Variants in CPA6 observed in about 807,000 individuals in gnomAD.
CPA6 encodes the protein carboxypeptidase B.
Under a neutral mutation model 63.3 loss-of-function variants are expected in CPA6, and 58 were observed. The observed-to-expected ratio is 0.92, with a 90% CI of 0.74 to 1.14. The LOEUF (loss-of-function observed/expected upper bound fraction) is 1.14. CPA6 is among the 50% of genes most tolerant of loss of function. CPA6 has a pLI of 0.00. For missense variants in CPA6, 565 were observed against 526.6 expected, an observed-to-expected ratio of 1.07 and a Z score of -0.71; for synonymous variants, 185 against 179.0, an observed-to-expected ratio of 1.03 and a Z score of -0.27.
intron 2 of CPA6, among the ~76,000 whole-genome samples, chr8:67,553,693 T>A (rs1243895691): frequency 6.6e-6 from 1 of 152,166 alleles, no homozygotes; most frequent in Non-Finnish European, 1.5e-5. Flanking sequence ...CTCAAGCATT[T>A]CTCCAATAAA....
chr8:67,448,156 G>A (rs1489382441), intron 8 of CPA6, among the ~76,000 whole-genome samples: 2 of 152,194 alleles, frequency 1.3e-5, no homozygotes, highest in Non-Finnish European at 2.9e-5. Flanking sequence ...GCTTAATCAT[G>A]TTCTTAGCTC....
At chr8:67,718,368 G>T (rs879749401) in intron 1 of CPA6, among the ~76,000 whole-genome samples, 1 of 152,134 alleles carries the variant, frequency 6.6e-6, no homozygotes, top group Non-Finnish European at 1.5e-5. Flanking sequence ...CTGGATAAGG[G>T]TCAGGAGGAC....
At chr8:67,741,372 C>T (rs1262734578) in intron 1 of CPA6, among the ~76,000 whole-genome samples, 1 of 152,198 alleles carries the variant, frequency 6.6e-6, no homozygotes, top group Non-Finnish European at 1.5e-5. Context: ...TTCACCTCTC[C>T]TTCTTGGTTC....
At chr8:67,508,970 A>G (rs988325808) in intron 5 of CPA6, among the ~76,000 whole-genome samples, 1 of 152,160 alleles carries the variant, frequency 6.6e-6, no homozygotes, top group African/African-American at 2.4e-5. Context: ...GGGAGGCCTC[A>G]GGAAACTTAG....
chr8:67,454,495 C>A (rs1366611023), intron 8 of CPA6, among the ~76,000 whole-genome samples: 1 of 152,086 alleles, frequency 6.6e-6, no homozygotes, highest in South Asian at 2.1e-4. Context: ...AAAACAACAA[C>A]AAAAAATGTG....
intron 1 of CPA6, among the ~76,000 whole-genome samples, chr8:67,676,320 C>T (rs1292259018): frequency 2.6e-5 from 4 of 152,196 alleles, no homozygotes; most frequent in South Asian, 4.1e-4. Context: ...GTTTAACCCA[C>T]GTTCAAATAG....
At chr8:67,431,685 A>G (rs1465384491) in intron 9 of CPA6, among the ~76,000 whole-genome samples, 1 of 152,220 alleles carries the variant, frequency 6.6e-6, no homozygotes, top group African/African-American at 2.4e-5. Flanking sequence ...CAACAGCTAT[A>G]GCAGCAGCAG....
rs555844803 is a variant in CPA6, at chr8:67,475,853, T to G, written c.838+7915A>C. On this transcript the variant is annotated intron_variant, in intron 8 of 10. Transcript: ENST00000297770. ...TTTCTTTCTTTCTTTCTTTCTTTCT[T>G]TCTTTCTTTCTTTCTTTCTTTCTTT... 1.2e-3 allele frequency among the ~76,000 whole-genome samples: 122 copies of G among 98,528 alleles called. 1 individual carries two copies. Among genetic ancestry groups the G allele is most frequent in the Non-Finnish European group, 2.0e-3 (98 of 49,334 alleles). The allele number at this position is 98,528 out of a possible 152,430, so 64.6% of individuals were successfully genotyped here. A position where few individuals can be genotyped will look rare whatever the true frequency, so the allele number is the denominator to read the frequency against.
At chr8:67,584,645 C>T (rs184064338) in intron 2 of CPA6, among the ~76,000 whole-genome samples, 1 of 152,234 alleles carries the variant, frequency 6.6e-6, no homozygotes, top group East Asian at 1.9e-4. Flanking sequence ...CAGGAAAACT[C>T]CTGCTCCGAC....
chr8:67,653,083 G>C (rs1243061484), intron 1 of CPA6, among the ~76,000 whole-genome samples: 3 of 152,030 alleles, frequency 2.0e-5, no homozygotes, highest in Middle Eastern at 3.4e-3. Context: ...GGGCTCTGTT[G>C]TGTTCCATTG....
intron 1 of CPA6, among the ~76,000 whole-genome samples, chr8:67,704,983 T>C (rs1817102295): frequency 6.6e-6 from 1 of 151,366 alleles, no homozygotes. Flanking sequence ...TAGGTGAGAG[T>C]AGAATAAGGA....
chr8:67,517,873 G>C, intron 3 of CPA6, 50 bp downstream of exon 3: 4 of 1,523,278 alleles, frequency 2.6e-6, no homozygotes, highest in Non-Finnish European at 3.5e-6. Flanking sequence ...CTACCATTTG[G>C]TTCAGTTTAG....
At chr8:67,542,994 T>C (rs183007366) in intron 2 of CPA6, among the ~76,000 whole-genome samples, 2 of 152,368 alleles carry the variant, frequency 1.3e-5, no homozygotes, top group East Asian at 3.9e-4. Flanking sequence ...TTATTTAGTA[T>C]TTGTAGTATT....
At chr8:67,540,916 C>G (rs1290549317) in intron 2 of CPA6, among the ~76,000 whole-genome samples, 2 of 152,236 alleles carry the variant, frequency 1.3e-5, no homozygotes, top group Non-Finnish European at 2.9e-5. Flanking sequence ...GAATTTCAAG[C>G]CAGTGGATCT....
chr8:67,494,101 T>C (rs943356508), intron 6 of CPA6, among the ~76,000 whole-genome samples: 2 of 152,100 alleles, frequency 1.3e-5, no homozygotes, highest in Non-Finnish European at 2.9e-5. Flanking sequence ...AAAATAAAAA[T>C]TACCCATGAT....
chr8:67,575,336 T>C lies in CPA6; in HGVS notation c.192+48840A>G, dbSNP rs140226389. Among the ~76,000 whole-genome samples the C allele has an allele frequency of 2.0e-5, 3 of 152,312 alleles. No homozygotes were observed. The East Asian group carries it at 5.8e-4, about 29-fold the overall frequency. On this transcript the variant is annotated intron_variant, in intron 2 of 10. Coordinates refer to ENST00000297770, the MANE Select transcript of CPA6 (RefSeq NM_020361.5). ...ATGGAAAACTGTATGGTGCTTCCTTTAAAATCTGAAAACAGATTTACCATA... is the reference window on the plus strand; with the variant it reads ...ATGGAAAACTGTATGGTGCTTCCTTCAAAATCTGAAAACAGATTTACCATA...
intron 2 of CPA6, among the ~76,000 whole-genome samples, chr8:67,593,408 G>T (rs1814194308): frequency 1.3e-5 from 2 of 152,122 alleles, no homozygotes; most frequent in African/African-American, 4.8e-5. Flanking sequence ...GGTCCGCTTG[G>T]TGCAGACCTG....
intron 1 of CPA6, among the ~76,000 whole-genome samples, chr8:67,633,083 ATGTG>A (rs1815381184): frequency 2.0e-5 from 3 of 152,142 alleles, no homozygotes; most frequent in Admixed American, 1.3e-4. Context: ...ATATATTTTG[ATGTG>A]TGTAACTGTA....
At chr8:67,498,219 T>A (rs747491595) in intron 6 of CPA6, among the ~76,000 whole-genome samples, 1 of 152,078 alleles carries the variant, frequency 6.6e-6, no homozygotes, top group South Asian at 2.1e-4. Context: ...GTCTGTGTCA[T>A]CCCTCTTGGC....
Sources: allele counts gnomAD v4.1 joint callset (sites outside exome capture counted in the v4.1 genomes callset), GRCh38; gene constraint gnomAD v4.1.1; transcripts MANE v1.5; gene names NCBI Gene and HGNC (gene_info 2026-07-23, HGNC 2026-07-21).